TCERG1L: variants seen among roughly 807,000 people sequenced by gnomAD.
TCERG1L encodes the protein transcription elongation regulator 1 like.
Under a neutral mutation model 56.3 loss-of-function variants are expected in TCERG1L, and 37 were observed. The observed-to-expected ratio is 0.66, with a 90% confidence interval of 0.51 to 0.87. The LOEUF (loss-of-function observed/expected upper bound fraction) is 0.87, where lower values mean the gene tolerates loss of function less well. Ranked by LOEUF, TCERG1L falls within the 40% of genes least tolerant of loss-of-function variation. The pLI, the probability that TCERG1L is intolerant of heterozygous loss-of-function variation, is 0.00. For missense variants in TCERG1L, 799 were observed against 774.2 expected (o/e 1.03, Z -0.38); for synonymous variants, 324 against 326.3 (o/e 0.99, Z 0.08).
At position 131,118,940 on chromosome 10, in the gene TCERG1L, G is replaced by A. The variant is rs893622279; in HGVS notation, c.1260-2006C>T. Reference sequence around the variant, plus strand: ...TACCAGCACCTGGGAGTGGAGAGCCGGGATGCTGTGAAATGTCCTGCAATG... The same window carrying A: ...TACCAGCACCTGGGAGTGGAGAGCCAGGATGCTGTGAAATGTCCTGCAATG... On this transcript the variant is annotated intron_variant, in intron 8 of 11. Transcript: ENST00000368642. This position sits in a 1 kb window ranked among gnomAD's most constrained non-coding sequence, Gnocchi z 4.2. Among the ~76,000 whole-genome samples, 3 of 152,160 alleles carry A rather than the reference G, an allele frequency of 2.0e-5. No individual in the cohort carries two copies. Among genetic ancestry groups the A allele is most frequent in the South Asian group, 2.1e-4 (1 of 4,824 alleles).
At chr10:131,135,744 G>A (rs566000515) in intron 7 of TCERG1L, among the ~76,000 whole-genome samples, 1 of 152,320 alleles carries the variant, frequency 6.6e-6, no homozygotes, top group African/African-American at 2.4e-5. Context: ...GGGGTGCAAT[G>A]TATCTGCCCT....
At chr10:131,101,172 G>A (rs557983380) in intron 10 of TCERG1L, among the ~76,000 whole-genome samples, 4 of 152,330 alleles carry the variant, frequency 2.6e-5, no homozygotes, top group African/African-American at 9.6e-5. Context: ...TGTCTCTGAC[G>A]ATGGCCTGAG....
At chr10:131,259,993 C>A (rs903590045) in intron 4 of TCERG1L, among the ~76,000 whole-genome samples, 2 of 152,242 alleles carry the variant, frequency 1.3e-5, no homozygotes, top group Non-Finnish European at 2.9e-5. Flanking sequence ...AAAGAGAAGT[C>A]TCATTTCCTC....
In TCERG1L at chr10:131,135,038, T is replaced by C. The variant is rs138642792; in HGVS notation, c.1190-590A>G. On this transcript the variant is annotated intron_variant, in intron 7 of 11. Transcript: ENST00000368642. ...CTGAGGCAGTCAGCCCTGAAAACGT[T>C]TGATGAACTTTTGGAATGAAAAAGT... Among the ~76,000 whole-genome samples the C allele has an allele frequency of 5.3e-3, 810 of 152,322 alleles. 28 individuals carry two copies. Among genetic ancestry groups the C allele is most frequent in the Admixed American group, 0.041 (620 of 15,304 alleles).
intron 3 of TCERG1L, among the ~76,000 whole-genome samples, chr10:131,285,509 A>G (rs868776069): frequency 0.026 from 1,523 of 57,486 alleles, 64 homozygotes; most frequent in Middle Eastern, 0.063. Context: ...AGAAAGAAAG[A>G]AAGAAAGAAA....
At chr10:131,256,017 A>G (rs746046044) in intron 4 of TCERG1L, among the ~76,000 whole-genome samples, 3 of 152,242 alleles carry the variant, frequency 2.0e-5, no homozygotes, top group Non-Finnish European at 4.4e-5. Context: ...TCCATTAGAA[A>G]TGAACACGTG....
chr10:131,212,305 G>C (rs1845628144), intron 4 of TCERG1L, among the ~76,000 whole-genome samples: 1 of 152,206 alleles, frequency 6.6e-6, no homozygotes, highest in Admixed American at 6.5e-5. Context: ...CTTGAAGGGA[G>C]CATCCTTTTT....
intron 4 of TCERG1L, among the ~76,000 whole-genome samples, chr10:131,246,917 C>T (rs990058768): frequency 1.4e-4 from 21 of 152,160 alleles, no homozygotes; most frequent in Admixed American, 8.5e-4. Flanking sequence ...CTCTCGCCCA[C>T]GACGCCGGCG....
intron 4 of TCERG1L, among the ~76,000 whole-genome samples, chr10:131,179,712 G>A: frequency 6.6e-6 from 1 of 152,190 alleles, no homozygotes; most frequent in East Asian, 1.9e-4. Context: ...CCAGAGCCAA[G>A]AAGTGGAGCT....
intron 8 of TCERG1L, 130 bp from the exon 9 acceptor site, chr10:131,117,064 C>T (rs1339795508): frequency 3.2e-6 from 4 of 1,247,584 alleles, no homozygotes; most frequent in Non-Finnish European, 3.3e-6. Context: ...CTTTATAAAG[C>T]CTGAGGCGGT....
intron 4 of TCERG1L, among the ~76,000 whole-genome samples, chr10:131,235,029 T>C (rs1049619903): frequency 4.6e-5 from 7 of 152,182 alleles, no homozygotes; most frequent in Admixed American, 2.6e-4. Flanking sequence ...AGAGGGCAGC[T>C]GCCACATGAG....
intron 8 of TCERG1L, among the ~76,000 whole-genome samples, chr10:131,131,210 G>A (rs764879159): frequency 5.3e-5 from 8 of 152,174 alleles, no homozygotes; most frequent in South Asian, 2.1e-4. Context: ...GGGAGAAGGC[G>A]GGAGGCAACT....
intron 6 of TCERG1L, among the ~76,000 whole-genome samples, chr10:131,154,083 A>C (rs1171273100): frequency 6.6e-6 from 1 of 152,202 alleles, no homozygotes; most frequent in East Asian, 1.9e-4. Flanking sequence ...AGTAATATGC[A>C]TGTGTTCCCC....
chr10:131,169,678 A>T (rs7084711), intron 4 of TCERG1L, among the ~76,000 whole-genome samples: 21,942 of 152,138 alleles, frequency 0.14, 2,142 homozygotes, highest in African/African-American at 0.27. Context: ...TGTTTTAATT[A>T]TATGCCACAC....
At chr10:131,226,412 GT>G (rs1240767628) in intron 4 of TCERG1L, among the ~76,000 whole-genome samples, 1 of 152,170 alleles carries the variant, frequency 6.6e-6, no homozygotes, top group Non-Finnish European at 1.5e-5. Flanking sequence ...TGACCAGTAA[GT>G]TTTCTCACTC....
intron 4 of TCERG1L, among the ~76,000 whole-genome samples, chr10:131,202,662 T>C (rs1219460766): frequency 6.6e-6 from 1 of 152,188 alleles, no homozygotes; most frequent in Non-Finnish European, 1.5e-5. Context: ...AGTAAAACAG[T>C]AACGTAGCGG....
At chr10:131,135,667 GCCCAGGCAGCTCATGGTCA>G (rs1258545118) in intron 7 of TCERG1L, among the ~76,000 whole-genome samples, 1 of 152,206 alleles carries the variant, frequency 6.6e-6, no homozygotes, top group East Asian at 1.9e-4. Context: ...CACCTGAGCT[GCCCAGGCAGCTCATGGTCA>G]CCCCTGCCCA....
intron 4 of TCERG1L, among the ~76,000 whole-genome samples, chr10:131,218,542 G>A (rs1845698072): frequency 6.6e-6 from 1 of 152,160 alleles, no homozygotes; most frequent in Admixed American, 6.5e-5. Flanking sequence ...TGCCCAGGCT[G>A]GAGTGCAATG....
intron 4 of TCERG1L, among the ~76,000 whole-genome samples, chr10:131,193,648 G>C (rs1329253017): frequency 6.6e-6 from 1 of 152,188 alleles, no homozygotes; most frequent in East Asian, 1.9e-4. Flanking sequence ...TCAGTTGGCT[G>C]TAAATATCTG....
Sources: gnomAD v4.1 joint callset for allele counts (sites outside exome capture counted in the v4.1 genomes callset) on GRCh38, gnomAD v4.1.1 for gene constraint, Gnocchi (gnomAD v3.1) non-coding constraint, MANE v1.5 for transcripts, NCBI Gene and HGNC (gene_info 2026-07-23, HGNC 2026-07-21) for gene names.